The following ACVR2A variants were observed in gnomAD, a reference collection of about 807,000 sequenced individuals.
ACVR2A encodes the protein activin receptor type-2A.
Under a neutral mutation model 61.4 loss-of-function variants are expected in ACVR2A, and 7 were observed. That is an observed-to-expected ratio of 0.11 (90% CI 0.06 to 0.21). The LOEUF is 0.21. Among genes scored for constraint, ACVR2A ranks in the 10% least tolerant of loss-of-function variants. ACVR2A has a pLI of 1.00. For synonymous variants in ACVR2A, 193 were observed against 208.3 expected (o/e 0.93, Z 0.63); for missense variants, 322 against 621.7 (o/e 0.52, Z 5.13).
At chr2:147,865,809 T>A (rs918402970) in intron 1 of ACVR2A, among the ~76,000 whole-genome samples, 1 of 152,184 alleles carries the variant, frequency 6.6e-6, no homozygotes, top group African/African-American at 2.4e-5. Context: ...AGGAGAATGA[T>A]TAGTAAACTA....
intron 8 of ACVR2A, among the ~76,000 whole-genome samples, chr2:147,921,355 G>A (rs1392292431): frequency 6.6e-6 from 1 of 152,064 alleles, no homozygotes; most frequent in Non-Finnish European, 1.5e-5. Context: ...TTTAATCAGG[G>A]AAACCAGTTC....
chr2:147,915,114 T>A, intron 4 of ACVR2A, 77 bp from the exon 5 acceptor site: 1 of 1,398,924 alleles, frequency 7.1e-7, no homozygotes, highest in Admixed American at 1.9e-5. Flanking sequence ...TTCAGTATAC[T>A]CACTTTTTTT....
chr2:147,851,567 T>C (rs1685452074), intron 1 of ACVR2A, among the ~76,000 whole-genome samples: 1 of 152,126 alleles, frequency 6.6e-6, no homozygotes, highest in South Asian at 2.1e-4. Flanking sequence ...TTTGTACATA[T>C]TACTCTTCCT....
chr2:147,877,996 A>G (rs969385064), intron 1 of ACVR2A, among the ~76,000 whole-genome samples: 2 of 152,176 alleles, frequency 1.3e-5, no homozygotes, highest in African/African-American at 4.8e-5. Flanking sequence ...AAATGTGAAT[A>G]CTTATAGTAG....
At chr2:147,886,706 A>G (rs560819103) in intron 1 of ACVR2A, among the ~76,000 whole-genome samples, 3 of 151,442 alleles carry the variant, frequency 2.0e-5, no homozygotes, top group Admixed American at 2.0e-4. Flanking sequence ...GCATTTTATC[A>G]TTCATTAAGT....
intron 1 of ACVR2A, among the ~76,000 whole-genome samples, chr2:147,871,064 T>C (rs1686001055): frequency 6.6e-6 from 1 of 152,282 alleles, no homozygotes; most frequent in Middle Eastern, 3.4e-3. Flanking sequence ...AAGACTCTTC[T>C]ATTTCTTTTG....
intron 1 of ACVR2A, among the ~76,000 whole-genome samples, chr2:147,852,769 G>A (rs1194838682): frequency 6.6e-6 from 1 of 152,036 alleles, no homozygotes; most frequent in Non-Finnish European, 1.5e-5. Flanking sequence ...GATTAGGAAG[G>A]ATGTTAATAT....
chr2:147,893,863 T>C (rs1007632056), intron 1 of ACVR2A, among the ~76,000 whole-genome samples: 7 of 152,138 alleles, frequency 4.6e-5, no homozygotes, highest in African/African-American at 1.4e-4. Context: ...AGTAGAAGTT[T>C]TCATTTTAGT....
At chr2:147,870,753 GT>G (rs1685992907) in intron 1 of ACVR2A, among the ~76,000 whole-genome samples, 1 of 151,916 alleles carries the variant, frequency 6.6e-6, no homozygotes, top group South Asian at 2.1e-4. Context: ...CTTTTAATGA[GT>G]TTCCTTTTTC....
chr2:147,902,969 G>A (rs761225770), intron 4 of ACVR2A: 1 of 151,914 alleles, frequency 6.6e-6, no homozygotes, highest in Non-Finnish European at 1.5e-5. Flanking sequence ...TTTTCTCAAA[G>A]CTTTGGCTAA....
intron 8 of ACVR2A, among the ~76,000 whole-genome samples, chr2:147,921,326 C>T (rs1301258945): frequency 2.6e-5 from 4 of 152,160 alleles, no homozygotes; most frequent in African/African-American, 7.2e-5. Flanking sequence ...TGAGCCACCA[C>T]GCCCAGCCAA....
chr2:147,919,002 T>TA (rs914411291), intron 7 of ACVR2A, among the ~76,000 whole-genome samples: 1 of 152,062 alleles, frequency 6.6e-6, no homozygotes, highest in African/African-American at 2.4e-5. Context: ...AGCCAAGTCT[T>TA]AAAGGGAGGC....
chr2:147,870,865 G>A (rs1403207548), intron 1 of ACVR2A, among the ~76,000 whole-genome samples: 1 of 151,760 alleles, frequency 6.6e-6, no homozygotes, highest in African/African-American at 2.4e-5. Flanking sequence ...TCCAAATATA[G>A]CTAGAATCTT....
intron 1 of ACVR2A, among the ~76,000 whole-genome samples, chr2:147,881,000 A>G (rs1686285355): frequency 6.6e-6 from 1 of 152,148 alleles, no homozygotes; most frequent in South Asian, 2.1e-4. Flanking sequence ...TTATAATGTT[A>G]TGAGAAGCTT....
chr2:147,845,092 A>T lies in ACVR2A; in HGVS notation c.-61A>T, dbSNP rs1260380336. The T allele has an allele frequency of 1.3e-5, 18 of 1,434,392 alleles. No homozygotes were observed. Among genetic ancestry groups the T allele is most frequent in the Non-Finnish European group, 1.7e-5 (18 of 1,052,368 alleles). 88.9% of individuals were successfully genotyped at this position (1,434,392 alleles called of 1,614,324 possible). ...ACACCAGGAGGTTTGTCTCCGAGGA[A>T]GACCCAGGGAACTGGATATCTAGCG... On this transcript the variant is annotated 5_prime_UTR_variant, in exon 1 of 11. The change creates a new upstream start codon in the 5' untranslated region. Coordinates refer to ENST00000241416, the MANE Select transcript of ACVR2A (RefSeq NM_001616.5).
At chr2:147,880,942 C>T (rs779218329) in intron 1 of ACVR2A, among the ~76,000 whole-genome samples, 1 of 152,134 alleles carries the variant, frequency 6.6e-6, no homozygotes, top group African/African-American at 2.4e-5. Flanking sequence ...AAGGGGAAAA[C>T]ACTGGGCTCC....
intron 4 of ACVR2A, chr2:147,902,957 C>CT (rs1686905582): frequency 6.6e-6 from 1 of 151,914 alleles, no homozygotes; most frequent in Non-Finnish European, 1.5e-5. Flanking sequence ...CTTAGGGAGA[C>CT]TTTTTCTCAA....
chr2:147,926,992 A>T, intron 10 of ACVR2A, 88 bp from the exon 11 acceptor site: 2 of 1,270,320 alleles, frequency 1.6e-6, no homozygotes, highest in Non-Finnish European at 1.1e-6. Flanking sequence ...ACCCAGAAAA[A>T]TAGCCATTTC....
chr2:147,874,591 G>A (rs962357922), intron 1 of ACVR2A, among the ~76,000 whole-genome samples: 1 of 151,886 alleles, frequency 6.6e-6, no homozygotes, highest in Non-Finnish European at 1.5e-5. Context: ...TGAGCTGCAC[G>A]TTAGGGCTGC....
Sources: allele counts gnomAD v4.1 joint callset (sites outside exome capture counted in the v4.1 genomes callset), GRCh38; gene constraint gnomAD v4.1.1; transcripts MANE v1.5; gene names NCBI Gene and HGNC (gene_info 2026-07-23, HGNC 2026-07-21).